Variants in MED27 observed in about 807,000 individuals in gnomAD.
The protein encoded by MED27 is mediator complex subunit 27.
Under a neutral mutation model 38.2 loss-of-function variants are expected in MED27, and 30 were observed. That is an observed-to-expected ratio of 0.79 (90% confidence interval 0.59 to 1.07). The LOEUF (loss-of-function observed/expected upper bound fraction) is 1.07, where lower values mean the gene tolerates loss of function less well. MED27 is among the 50% of genes least tolerant of loss of function. The pLI is 0.00. For missense variants in MED27, 289 were observed against 397.5 expected, an observed-to-expected ratio of 0.73 and a Z score of 2.32; for synonymous variants, 122 against 153.5, an observed-to-expected ratio of 0.79 and a Z score of 1.52.
chr9:131,865,058 T>C (rs1342752509), intron 6 of MED27, among the ~76,000 whole-genome samples: 1 of 152,190 alleles, frequency 6.6e-6, no homozygotes, highest in Admixed American at 6.5e-5. Context: ...CAATACATAT[T>C]TGCTGAATAA....
At position 131,936,958 on chromosome 9, in the gene MED27, T is replaced by C. The variant is rs1218470896; in HGVS notation, c.573+2423A>G. Among the ~76,000 whole-genome samples, 11 of 152,224 alleles carry C rather than the reference T, an allele frequency of 7.2e-5. No individual in the cohort carries two copies. In the South Asian group the frequency reaches 1.4e-3, roughly 20 times the overall value. ...TGCTTCAACGGCCTCTTAACTGGTC[T>C]TTCCCCATCAGTCTCGCTTGCCCCC... On this transcript the variant is annotated intron_variant, in intron 4 of 7. Transcript: ENST00000292035.
chr9:131,979,829 A>AGATG (rs1589246956), intron 3 of MED27, among the ~76,000 whole-genome samples: 4 of 45,228 alleles, frequency 8.8e-5, no homozygotes, highest in South Asian at 1.1e-3. Context: ...CCTGAAAACA[A>AGATG]GATGGCTGGC....
chr9:131,999,635 A>G (rs1832176656), intron 3 of MED27, among the ~76,000 whole-genome samples: 1 of 152,338 alleles, frequency 6.6e-6, no homozygotes, highest in African/African-American at 2.4e-5. Flanking sequence ...AATTGCAAAA[A>G]TGAATAAAAA....
At chr9:131,981,806 C>T (rs934287890) in intron 3 of MED27, among the ~76,000 whole-genome samples, 3 of 152,198 alleles carry the variant, frequency 2.0e-5, no homozygotes, top group African/African-American at 7.2e-5. Flanking sequence ...AAGGAGGCAA[C>T]GCACTCTCTA....
intron 4 of MED27, 38 bp from the exon 5 acceptor site, chr9:131,894,030 A>C (rs748106917): frequency 3.8e-4 from 593 of 1,544,170 alleles, no homozygotes; most frequent in Non-Finnish European, 5.1e-4. Context: ...TGAACACGCA[A>C]ATCACACAAA....
chr9:131,932,350 A>C (rs1375854951), intron 4 of MED27, among the ~76,000 whole-genome samples: 1 of 148,386 alleles, frequency 6.7e-6, no homozygotes, highest in Non-Finnish European at 1.5e-5. Flanking sequence ...ACACAAAATA[A>C]AACTGGCAAA....
chr9:131,976,799 G>A (rs1387955959), intron 3 of MED27, among the ~76,000 whole-genome samples: 1 of 152,170 alleles, frequency 6.6e-6, no homozygotes, highest in Non-Finnish European at 1.5e-5. Flanking sequence ...GAATACAGCA[G>A]TAAACTAAGC....
At chr9:132,072,927 C>A (rs183344488) in intron 2 of MED27, among the ~76,000 whole-genome samples, 3 of 152,096 alleles carry the variant, frequency 2.0e-5, no homozygotes, top group Non-Finnish European at 2.9e-5. Context: ...TAGGATAACC[C>A]TAAGAGGCTG....
At chr9:131,905,469 AG>A (rs1341798127) in intron 4 of MED27, among the ~76,000 whole-genome samples, 1 of 152,188 alleles carries the variant, frequency 6.6e-6, no homozygotes, top group Non-Finnish European at 1.5e-5. Context: ...CAGCTGGCCC[AG>A]GGGTAGGCAC....
intron 2 of MED27, among the ~76,000 whole-genome samples, chr9:132,022,132 T>C (rs1832729662): frequency 6.6e-6 from 1 of 152,098 alleles, no homozygotes; most frequent in African/African-American, 2.4e-5. Context: ...GCGGTGACAA[T>C]GAATGAGAAT....
rs187981290 is a variant in MED27 at position 131,989,212 on chromosome 9, G to A, written c.479+25125C>T. 4.1e-3 allele frequency among the ~76,000 whole-genome samples: 626 copies of A among 152,290 alleles called. 4 individuals are homozygous for A. Among genetic ancestry groups the A allele is most frequent in the Non-Finnish European group, 7.3e-3 (495 of 68,024 alleles). On this transcript the variant is annotated intron_variant, in intron 3 of 7. Coordinates refer to ENST00000292035, the MANE Select transcript of MED27 (RefSeq NM_004269.4). ...CTAAGGATTATAGCATTATATAAGT[G>A]GCTGGTGAATGCTAGAAAAGAACGC...
chr9:131,918,637 G>A (rs745842882), intron 4 of MED27, among the ~76,000 whole-genome samples: 1 of 152,060 alleles, frequency 6.6e-6, no homozygotes, highest in Non-Finnish European at 1.5e-5. Flanking sequence ...TAATGCCCAA[G>A]CATTTTTTTT....
chr9:131,944,250 C>T (rs1335858879), intron 3 of MED27, among the ~76,000 whole-genome samples: 2 of 152,224 alleles, frequency 1.3e-5, no homozygotes, highest in Non-Finnish European at 2.9e-5. Context: ...CAGAGGTCCT[C>T]TCATCCAGTG....
intron 6 of MED27, among the ~76,000 whole-genome samples, chr9:131,878,835 C>T (rs1838984935): frequency 6.6e-6 from 1 of 151,908 alleles, no homozygotes; most frequent in Non-Finnish European, 1.5e-5. Flanking sequence ...GCCCCCACCC[C>T]GCCCATTTCT....
At chr9:132,029,765 C>T (rs1301425686) in intron 2 of MED27, among the ~76,000 whole-genome samples, 1 of 149,270 alleles carries the variant, frequency 6.7e-6, no homozygotes, top group African/African-American at 2.5e-5. Context: ...TGATTAAGCA[C>T]AGAAATCTGG....
At chr9:131,905,840 C>T (rs988912955) in intron 4 of MED27, among the ~76,000 whole-genome samples, 2 of 151,998 alleles carry the variant, frequency 1.3e-5, no homozygotes, top group African/African-American at 2.4e-5. Flanking sequence ...ATTGTTCGCC[C>T]TTCCAGTTCC....
At chr9:131,959,728 T>A (rs1347622224) in intron 3 of MED27, among the ~76,000 whole-genome samples, 3 of 152,204 alleles carry the variant, frequency 2.0e-5, no homozygotes, top group African/African-American at 7.2e-5. Context: ...AAAACTCAAA[T>A]TAATCAGAAT....
At chr9:131,863,554 C>T (rs895973756) in intron 6 of MED27, among the ~76,000 whole-genome samples, 11 of 152,198 alleles carry the variant, frequency 7.2e-5, no homozygotes, top group South Asian at 2.1e-4. Context: ...CTTCCTCCTG[C>T]GATGGTTTTC....
intron 3 of MED27, among the ~76,000 whole-genome samples, chr9:131,946,687 G>A (rs1010605646): frequency 1.3e-5 from 2 of 152,198 alleles, no homozygotes; most frequent in Non-Finnish European, 2.9e-5. Context: ...TGCAGTGACT[G>A]TTACAGCCTC....
Sources: gnomAD v4.1 joint callset for allele counts (sites outside exome capture counted in the v4.1 genomes callset) on GRCh38, gnomAD v4.1.1 for gene constraint, MANE v1.5 for transcripts, NCBI Gene and HGNC (gene_info 2026-07-23, HGNC 2026-07-21) for gene names.